The following FOXJ3 variants were observed in gnomAD, a reference collection of about 807,000 sequenced individuals.
The protein encoded by FOXJ3 is forkhead box protein J3.
A neutral mutation model predicts 76.1 loss-of-function variants in FOXJ3; 22 were observed. The observed-to-expected ratio is 0.29, with a 90% CI of 0.21 to 0.41. The LOEUF (loss-of-function observed/expected upper bound fraction) is 0.41. FOXJ3 is among the 10% of genes least tolerant of loss of function. The pLI, the probability that FOXJ3 is intolerant of heterozygous loss-of-function variation, is 1.00. For missense variants in FOXJ3, 613 were observed against 762.1 expected (o/e 0.80, Z 2.30); for synonymous variants, 269 against 261.2 (o/e 1.03, Z -0.29).
At chr1:42,252,442 T>G (rs537391685) in intron 4 of FOXJ3, among the ~76,000 whole-genome samples, 1 of 152,302 alleles carries the variant, frequency 6.6e-6, no homozygotes, top group Admixed American at 6.5e-5. Context: ...TGATGGTAGT[T>G]TGTATTTCTG....
In FOXJ3 at chr1:42,324,078, T is replaced by TAC. The variant is rs139441430; in HGVS notation, c.-18+10980_-18+10981insGT. On this transcript the variant is annotated intron_variant, in intron 1 of 12. Coordinates refer to ENST00000361346, the MANE Select transcript of FOXJ3 (RefSeq NM_014947.5). The stretch of plus-strand genomic sequence containing the variant: ...ACACTGTATATACACAGTGTATATA[T>TAC]AGTATATATACTGTATATATACTGT... Among the ~76,000 whole-genome samples the TAC allele has an allele frequency of 1.1e-3, 76 of 71,284 alleles. 2 individuals are homozygous for TAC. Among genetic ancestry groups the TAC allele is most frequent in the Middle Eastern group, 8.3e-3 (1 of 120 alleles). 46.8% of individuals were successfully genotyped at this position (71,284 alleles called of 152,430 possible).
chr1:42,294,485 G>A lies in FOXJ3; in HGVS notation c.45-15813C>T, dbSNP rs563954139. On this transcript the variant is annotated intron_variant, in intron 2 of 12. Coordinates refer to ENST00000361346, the MANE Select transcript of FOXJ3 (RefSeq NM_014947.5). Reference sequence around the variant, plus strand: ...AGAAGCCATGAACTTGAGGCCAGGCGCGGTGGCTCACGTCCATAATCCCAG... The same window carrying A: ...AGAAGCCATGAACTTGAGGCCAGGCACGGTGGCTCACGTCCATAATCCCAG... Among the ~76,000 whole-genome samples, 11 of 152,152 alleles carry A rather than the reference G, an allele frequency of 7.2e-5. No homozygotes were observed. The East Asian group carries it at 1.2e-3, about 16-fold the overall frequency.
At chr1:42,272,902 A>C (rs1204326420) in intron 3 of FOXJ3, among the ~76,000 whole-genome samples, 1 of 152,194 alleles carries the variant, frequency 6.6e-6, no homozygotes, top group Non-Finnish European at 1.5e-5. Context: ...ACTATAACCA[A>C]GTGCTTCCTA....
chr1:42,288,863 C>G (rs554094926), intron 2 of FOXJ3, among the ~76,000 whole-genome samples: 2 of 152,148 alleles, frequency 1.3e-5, no homozygotes, highest in Non-Finnish European at 2.9e-5. Flanking sequence ...CCAATTTTCT[C>G]ACTAAATTTT....
intron 2 of FOXJ3, among the ~76,000 whole-genome samples, chr1:42,286,835 T>C (rs977621315): frequency 5.3e-5 from 8 of 150,828 alleles, no homozygotes; most frequent in Non-Finnish European, 1.0e-4. Context: ...GGTTTCACCA[T>C]GTTGACCAGG....
At chr1:42,201,060 A>G (rs1046470362) in intron 6 of FOXJ3, among the ~76,000 whole-genome samples, 2 of 152,208 alleles carry the variant, frequency 1.3e-5, no homozygotes, top group Non-Finnish European at 2.9e-5. Flanking sequence ...GAATGCTAAC[A>G]TAAGTGTTAT....
rs760055615 is a variant in FOXJ3, at chr1:42,311,030, A to C, written c.44+20T>G. 1.4e-5 allele frequency: 21 copies of C among 1,506,548 alleles called. No individual in the cohort carries two copies. The highest frequency in any genetic ancestry group is 1.9e-5 in the Non-Finnish European group (21 of 1,106,520). 93.3% of individuals were successfully genotyped at this position (1,506,548 alleles called of 1,614,324 possible). On this transcript the variant is annotated intron_variant, in intron 2 of 12. Transcript: ENST00000361346. ...AAAATGTTATATGTTCTAATAAAGA[A>C]AAAAAAAAAGAGCACTCACCTTAAT... is the stretch of plus-strand genomic sequence containing the variant.
chr1:42,182,921 C>T (rs887309832), intron 11 of FOXJ3, among the ~76,000 whole-genome samples: 28 of 151,732 alleles, frequency 1.8e-4, no homozygotes, highest in African/African-American at 6.5e-4. Flanking sequence ...CTGGGAAGCA[C>T]AAAGTAACAA....
At chr1:42,305,022 T>C (rs1654371640) in intron 2 of FOXJ3, among the ~76,000 whole-genome samples, 1 of 152,100 alleles carries the variant, frequency 6.6e-6, no homozygotes, top group Admixed American at 6.5e-5. Flanking sequence ...CCAGAATATA[T>C]AAGGAGCTCA....
intron 11 of FOXJ3, among the ~76,000 whole-genome samples, chr1:42,187,271 A>G (rs1027092159): frequency 3.3e-5 from 5 of 152,384 alleles, no homozygotes; most frequent in Admixed American, 1.3e-4. Context: ...TACATAAGCT[A>G]TTTAATTTCA....
Position 42,283,677 on chromosome 1 carries a change from T to C in FOXJ3, c.45-5005A>G, listed in dbSNP as rs190865507. Among the ~76,000 whole-genome samples the C allele has an allele frequency of 3.8e-3, 575 of 152,314 alleles. 6 individuals carry two copies. Among genetic ancestry groups the C allele is most frequent in the African/African-American group, 0.013 (551 of 41,568 alleles). ...CGGCACATAACAAAACTGAGCAACT[T>C]AGAACTCAGGAGAAATTCTTGTTAT... On this transcript the variant is annotated intron_variant, in intron 2 of 12. Transcript: ENST00000361346.
At chr1:42,223,772 T>A (rs1358006248) in intron 5 of FOXJ3, among the ~76,000 whole-genome samples, 1 of 152,242 alleles carries the variant, frequency 6.6e-6, no homozygotes, top group Non-Finnish European at 1.5e-5. Flanking sequence ...AAATCAAGGA[T>A]GATGAGCTCA....
intron 4 of FOXJ3, among the ~76,000 whole-genome samples, chr1:42,254,095 A>T (rs957393198): frequency 1.3e-5 from 2 of 152,132 alleles, no homozygotes; most frequent in African/African-American, 4.8e-5. Flanking sequence ...AGAATCTACA[A>T]AGAACTCAAA....
At chr1:42,297,179 A>T (rs1393788266) in intron 2 of FOXJ3, among the ~76,000 whole-genome samples, 1 of 152,184 alleles carries the variant, frequency 6.6e-6, no homozygotes, top group African/African-American at 2.4e-5. Flanking sequence ...ACTTCAACGA[A>T]GTCTAGGAGT....
At chr1:42,322,403 A>G (rs1432186748) in intron 1 of FOXJ3, among the ~76,000 whole-genome samples, 2 of 152,118 alleles carry the variant, frequency 1.3e-5, no homozygotes, top group African/African-American at 4.8e-5. Flanking sequence ...TTAAAGATGC[A>G]TACTGACATA....
At chr1:42,316,509 C>T (rs1450899375) in intron 1 of FOXJ3, among the ~76,000 whole-genome samples, 2 of 151,862 alleles carry the variant, frequency 1.3e-5, no homozygotes, top group Non-Finnish European at 2.9e-5. Flanking sequence ...CCCACCTACA[C>T]AGAAATGCAA....
intron 7 of FOXJ3, among the ~76,000 whole-genome samples, chr1:42,197,802 C>T (rs968777021): frequency 1.3e-5 from 2 of 151,960 alleles, no homozygotes; most frequent in East Asian, 1.9e-4. Context: ...TGCCACAATG[C>T]CTGGCTGTTT....
chr1:42,323,782 T>C (rs992908485), intron 1 of FOXJ3: 1 of 721,908 alleles, frequency 1.4e-6, no homozygotes, highest in African/African-American at 1.9e-5. Context: ...AAGGATTATC[T>C]TGTGAAAGAA....
At chr1:42,281,242 C>T (rs1652686497) in intron 2 of FOXJ3, among the ~76,000 whole-genome samples, 1 of 152,098 alleles carries the variant, frequency 6.6e-6, no homozygotes, top group African/African-American at 2.4e-5. Flanking sequence ...ACCTGTCCTC[C>T]AGGAACTTAT....
Sources: gnomAD v4.1 joint callset for allele counts (sites outside exome capture counted in the v4.1 genomes callset) on GRCh38, gnomAD v4.1.1 for gene constraint, MANE v1.5 for transcripts, NCBI Gene and HGNC (gene_info 2026-07-23, HGNC 2026-07-21) for gene names.